ARL13B: variants seen among roughly 807,000 people sequenced by gnomAD.
ARL13B encodes ADP-ribosylation factor-like protein 13B.
ARL13B carries 36 observed loss-of-function variants against 56.1 expected under a neutral mutation model. That is an observed-to-expected ratio of 0.64 (90% CI 0.49 to 0.85). ARL13B has a LOEUF of 0.85. Among genes scored for constraint, ARL13B ranks in the 40% least tolerant of loss-of-function variants. The pLI is 0.00. For synonymous variants in ARL13B, 178 were observed against 171.1 expected, an observed-to-expected ratio of 1.04 and a Z score of -0.32; for missense variants, 519 against 507.1, an observed-to-expected ratio of 1.02 and a Z score of -0.23.
chr3:94,014,759 C>T (rs750438376), intron 3 of ARL13B: 3 of 1,613,536 alleles, frequency 1.9e-6, no homozygotes, highest in South Asian at 2.2e-5. Flanking sequence ...CCAGCAACTT[C>T]AAGCTGACGT....
At chr3:94,029,332 A>ATTTATT (rs1230277806) in intron 3 of ARL13B, among the ~76,000 whole-genome samples, 15 of 72,372 alleles carry the variant, frequency 2.1e-4, no homozygotes, top group African/African-American at 6.3e-4. Context: ...ATATATATAT[A>ATTTATT]TATTTATTTT....
chr3:94,032,728 C>A (rs1251577254), intron 3 of ARL13B, among the ~76,000 whole-genome samples: 1 of 152,096 alleles, frequency 6.6e-6, no homozygotes, highest in African/African-American at 2.4e-5. Flanking sequence ...GATCTCCTGA[C>A]CTTGTGATCC....
rs774804821 is a variant in ARL13B, at chr3:94,036,713, A to T, written c.648A>T (p.Lys216Asn). ...TEQRALEEQE[K>N]QERAERVRKL... is the part of the protein sequence containing the mutation. ...AGCGTGCTCTTGAGGAACAAGAGAAACAAGAAAGAGCTGAACGAGTGCGAA... is the reference window on the plus strand; with the variant it reads ...AGCGTGCTCTTGAGGAACAAGAGAATCAAGAAAGAGCTGAACGAGTGCGAA... The change falls in exon 5 of 10, where the codon AAA (lysine) becomes AAT (asparagine). Residue 216 changes from lysine to asparagine, a missense_variant. Transcript: ENST00000394222. 6 of 1,613,804 alleles carry T rather than the reference A, an allele frequency of 3.7e-6. No individual in the cohort carries two copies. The East Asian group carries it at 1.3e-4, about 36-fold the overall frequency.
intron 3 of ARL13B, among the ~76,000 whole-genome samples, chr3:94,028,155 T>C (rs2076596921): frequency 6.6e-6 from 1 of 152,178 alleles, no homozygotes; most frequent in Non-Finnish European, 1.5e-5. Flanking sequence ...ATTTTTATTA[T>C]CGTAGTCTAT....
At chr3:94,046,650 CAAAA>C (rs1297132905) in intron 7 of ARL13B, among the ~76,000 whole-genome samples, 1 of 149,730 alleles carries the variant, frequency 6.7e-6, no homozygotes, top group African/African-American at 2.4e-5. Context: ...TCATGTACAA[CAAAA>C]AAAAAGAATC....
At chr3:94,016,649 C>CTT (rs11442452) in intron 3 of ARL13B, among the ~76,000 whole-genome samples, 123 of 142,456 alleles carry the variant, frequency 8.6e-4, no homozygotes, top group East Asian at 1.9e-3. Flanking sequence ...ATTAAGCTTT[C>CTT]TTTTTTTTTT....
chr3:94,012,151 C>T lies in ARL13B; in HGVS notation c.380+8243C>T, dbSNP rs928353785. Among the ~76,000 whole-genome samples, 6 of 152,254 alleles carry T rather than the reference C, an allele frequency of 3.9e-5. No individual in the cohort carries two copies. The South Asian group carries it at 1.2e-3, about 32-fold the overall frequency. ...TTGAAATACTCCAGGCCCTTATCTG[C>T]ACTTCCAGTTTTTTACATCCACATA... On this transcript the variant is annotated intron_variant, in intron 3 of 9. Coordinates refer to ENST00000394222, the MANE Select transcript of ARL13B (RefSeq NM_001174150.2).
At chr3:93,980,572 C>T (rs1259925488) in intron 1 of ARL13B, 90 bp downstream of exon 1, 2 of 1,512,438 alleles carry the variant, frequency 1.3e-6, no homozygotes, top group Non-Finnish European at 1.8e-6. Flanking sequence ...CGCGCCTGGA[C>T]GAGTCTATCC....
chr3:94,036,686 G>A lies in ARL13B; in HGVS notation c.621G>A (p.Glu207=), dbSNP rs1384171618. Residue 207 remains glutamate, a synonymous_variant, in exon 5 of 10, where the codon GAG becomes GAA. Transcript: ENST00000394222. ...AACGCATCCAAAAAGAGACAACAGA[G>A]CAGCGTGCTCTTGAGGAACAAGAGA... The part of the protein sequence containing the change: ...LNERIQKETT[E]QRALEEQEKQ... 1.2e-6 allele frequency: 2 copies of A among 1,613,956 alleles called. No homozygotes were observed. Among genetic ancestry groups the A allele is most frequent in the African/African-American group, 2.7e-5 (2 of 74,920 alleles).
rs147789585 is a variant in ARL13B, at chr3:94,032,928, G to C, written c.381-2403G>C. The stretch of plus-strand genomic sequence containing the variant: ...ATCTGAACTCAAGATGTTTATCACA[G>C]CATTATTCACAGTAGCAAAGGTAGG... On this transcript the variant is annotated intron_variant, in intron 3 of 9. Coordinates refer to ENST00000394222, the MANE Select transcript of ARL13B (RefSeq NM_001174150.2). 2.4e-3 allele frequency among the ~76,000 whole-genome samples: 360 copies of C among 152,314 alleles called. 1 individual carries two copies. Among genetic ancestry groups the C allele is most frequent in the Non-Finnish European group, 4.5e-3 (307 of 68,040 alleles).
At chr3:94,007,663 A>G (rs2076156872) in intron 3 of ARL13B, among the ~76,000 whole-genome samples, 1 of 152,168 alleles carries the variant, frequency 6.6e-6, no homozygotes, top group Non-Finnish European at 1.5e-5. Context: ...AACTGCCCCC[A>G]TGATTGAAAT....
At chr3:94,002,314 G>A (rs866821582) in intron 2 of ARL13B, among the ~76,000 whole-genome samples, 8 of 151,990 alleles carry the variant, frequency 5.3e-5, no homozygotes, top group African/African-American at 1.7e-4. Flanking sequence ...TGATCCTTCC[G>A]CCTCAGCCTA....
chr3:94,045,792 A>T (rs1171371000), intron 7 of ARL13B, among the ~76,000 whole-genome samples: 3 of 151,542 alleles, frequency 2.0e-5, no homozygotes, highest in Non-Finnish European at 2.9e-5. Context: ...TCTACTAAAA[A>T]TCCAAAAAAT....
Position 94,010,413 on chromosome 3 carries a change from A to G in ARL13B, c.380+6505A>G, listed in dbSNP as rs538519876. Among the ~76,000 whole-genome samples the G allele has an allele frequency of 3.6e-4, 55 of 152,096 alleles. 1 individual carries two copies. Among genetic ancestry groups the G allele is most frequent in the Non-Finnish European group, 1.5e-4 (10 of 67,954 alleles). On this transcript the variant is annotated intron_variant, in intron 3 of 9. Coordinates refer to ENST00000394222, the MANE Select transcript of ARL13B (RefSeq NM_001174150.2). ...ATTTCATCTTACGAATTCAAGCTCTATGAAGCTTGTAATTACAGAAAATGG... is the reference window on the plus strand; with the variant it reads ...ATTTCATCTTACGAATTCAAGCTCTGTGAAGCTTGTAATTACAGAAAATGG...
intron 1 of ARL13B, among the ~76,000 whole-genome samples, chr3:93,993,559 T>C (rs1437137225): frequency 2.6e-5 from 4 of 152,214 alleles, no homozygotes; most frequent in African/African-American, 7.2e-5. Flanking sequence ...TGGCTGGGAC[T>C]ACAGGGATGT....
At chr3:94,012,842 C>A (rs1305207270) in intron 3 of ARL13B, among the ~76,000 whole-genome samples, 4 of 152,142 alleles carry the variant, frequency 2.6e-5, no homozygotes, top group African/African-American at 7.2e-5. Context: ...CTTCTACTCA[C>A]CTCTCCCAAA....
At chr3:93,982,311 T>C (rs2107311755) in intron 1 of ARL13B, among the ~76,000 whole-genome samples, 1 of 152,318 alleles carries the variant, frequency 6.6e-6, no homozygotes, top group South Asian at 2.1e-4. Context: ...CAGAGTGTAT[T>C]TTCTTCTTTA....
chr3:93,983,675 A>G (rs754970945), intron 1 of ARL13B, among the ~76,000 whole-genome samples: 34 of 151,688 alleles, frequency 2.2e-4, no homozygotes, highest in Non-Finnish European at 2.7e-4. Context: ...TTTTGTTTTT[A>G]TTACTAGGAA....
chr3:94,045,545 T>G (rs1309995122), intron 7 of ARL13B, among the ~76,000 whole-genome samples: 1 of 151,772 alleles, frequency 6.6e-6, no homozygotes. Flanking sequence ...AATCCCAGCA[T>G]GAGTCTTTGT....
Sources: allele counts gnomAD v4.1 joint callset (sites outside exome capture counted in the v4.1 genomes callset), GRCh38; gene constraint gnomAD v4.1.1; transcripts MANE v1.5; gene names NCBI Gene and HGNC (gene_info 2026-07-23, HGNC 2026-07-21).